ETF1: variants seen among roughly 807,000 people sequenced by gnomAD.
The protein encoded by ETF1 is eukaryotic translation termination factor 1.
In ETF1, 4 loss-of-function variants were observed where a neutral mutation model predicts 55.1. That is an observed-to-expected ratio of 0.07 (90% CI 0.04 to 0.17). The LOEUF (loss-of-function observed/expected upper bound fraction) is 0.17. Ranked by LOEUF, ETF1 falls within the 10% of genes least tolerant of loss-of-function variation. The probability of loss-of-function intolerance (pLI) is 1.00; values close to 1 mark genes in which losing one functional copy is unlikely to be tolerated. For missense variants in ETF1, 142 were observed against 523.6 expected, an observed-to-expected ratio of 0.27 and a Z score of 7.11; for synonymous variants, 157 against 182.3, an observed-to-expected ratio of 0.86 and a Z score of 1.12.
At position 138,507,302 on chromosome 5, in the gene ETF1, G is replaced by C. The variant is rs1366703600; in HGVS notation, c.*1003C>G. 2.0e-5 allele frequency: 3 copies of C among 152,418 alleles called. No individual in the cohort carries two copies. Among genetic ancestry groups the C allele is most frequent in the Non-Finnish European group, 4.4e-5 (3 of 68,030 alleles). 9.4% of individuals were successfully genotyped at this position (152,418 alleles called of 1,614,324 possible). ...GCAGTCATACATGTCTGTCGTTCCT[G>C]TGAAAAACCTTGCAGTTCATTTTAA... On this transcript the variant is annotated 3_prime_UTR_variant, in exon 11 of 11. Transcript: ENST00000360541.
chr5:138,510,715 A>G, intron 8 of ETF1, 86 bp from the exon 9 acceptor site: 1 of 1,549,376 alleles, frequency 6.5e-7, no homozygotes, highest in Non-Finnish European at 8.7e-7. Context: ...TAGATGAGAA[A>G]AGGGCTCAGG....
At chr5:138,543,048 G>A (rs1561850766) in intron 1 of ETF1, 49 bp downstream of exon 1, 1 of 906,318 alleles carries the variant, frequency 1.1e-6, no homozygotes, top group East Asian at 2.6e-5. Flanking sequence ...CCTCCCGTCC[G>A]GTGCAGCTCG....
chr5:138,508,811 T>C lies in ETF1; in HGVS notation c.1089A>G (p.Gly363=). The stretch of plus-strand genomic sequence containing the variant: ...TGCTCTCGATAAGCTCATGTTCCTG[T>C]CCGGTCTACAGGGATGACCATGAGA... ...DKSHFTDKET[G]QEHELIESMP... is the part of the protein sequence containing the mutation. Residue 363 remains glycine (G), a synonymous_variant, in exon 10 of 11, where the codon GGA becomes GGG. Transcript: ENST00000360541. 6.2e-7 allele frequency: 1 copy of C among 1,613,982 alleles called. No homozygotes were observed.
chr5:138,518,911 AAGTAAACTCATGTTTCTCTCT>A, intron 2 of ETF1, 44 bp from the exon 3 acceptor site: 1 of 1,600,174 alleles, frequency 6.2e-7, no homozygotes, highest in East Asian at 2.2e-5. Context: ...AATATCATGT[AAGTAAACTCATGTTTCTCTCT>A]GGTAAAAGCA....
At position 138,508,483 on chromosome 5, in the gene ETF1, G is replaced by C. The variant is rs1344257716; in HGVS notation, c.1232-96C>G. 4 of 1,570,636 alleles carry C rather than the reference G, an allele frequency of 2.5e-6. No individual in the cohort carries two copies. In the East Asian group the frequency reaches 9.0e-5, roughly 35 times the overall value. On this transcript the variant is annotated intron_variant, in intron 10 of 10. Coordinates refer to ENST00000360541, the MANE Select transcript of ETF1 (RefSeq NM_004730.4). ...GGAATAAGGGAAGCCCTATTCTCTT[G>C]CAGAATTGCAGAAAGCAAAGAGGTA... is the stretch of plus-strand genomic sequence containing the variant.
At chr5:138,523,012 A>G (rs1053475623) in intron 2 of ETF1, among the ~76,000 whole-genome samples, 6 of 151,794 alleles carry the variant, frequency 4.0e-5, no homozygotes, top group Middle Eastern at 3.4e-3. Flanking sequence ...TCTCAAAACA[A>G]ACAAACAAAC....
chr5:138,533,744 T>A (rs1319678924), intron 2 of ETF1, among the ~76,000 whole-genome samples: 1 of 152,148 alleles, frequency 6.6e-6, no homozygotes, highest in Non-Finnish European at 1.5e-5. Context: ...GGAACTAATG[T>A]GCCTTAAATT....
At position 138,510,418 on chromosome 5, in the gene ETF1, G is replaced by A. The variant is rs139744083; in HGVS notation, c.1083+147C>T. On this transcript the variant is annotated intron_variant, in intron 9 of 10. Transcript: ENST00000360541. Reference sequence around the variant, plus strand: ...CAGCTCCTTCCCTGAAATCAGATTCGTATGTGGCAGATAGATGACCACCTC... The same window carrying A: ...CAGCTCCTTCCCTGAAATCAGATTCATATGTGGCAGATAGATGACCACCTC... 117 of 295,374 alleles carry A rather than the reference G, an allele frequency of 4.0e-4. 1 individual carries two copies. The highest frequency in any genetic ancestry group is 2.5e-3 in the African/African-American group (106 of 41,844). The allele number at this position is 295,374 out of a possible 1,614,324, so 18.3% of individuals were successfully genotyped here.
At chr5:138,526,820 C>T (rs1312877638) in intron 2 of ETF1, among the ~76,000 whole-genome samples, 1 of 151,498 alleles carries the variant, frequency 6.6e-6, no homozygotes, top group African/African-American at 2.4e-5. Context: ...TCTGCCTCAG[C>T]CTCCTGAGGA....
Position 138,512,736 on chromosome 5 carries a change from C to T in ETF1, c.732+28G>A, listed in dbSNP as rs188173212. ...TCACCTACTCCTACCTAGGGTCTTA[C>T]ATAATAAAGCATCTACTTCTTACTT... On this transcript the variant is annotated intron_variant, in intron 6 of 10. Transcript: ENST00000360541. 2,380 of 1,556,086 alleles carry T rather than the reference C, an allele frequency of 1.5e-3. 6 individuals carry two copies. Among genetic ancestry groups the T allele is most frequent in the African/African-American group, 8.4e-3 (596 of 70,930 alleles).
chr5:138,520,400 C>T (rs1765185560), intron 2 of ETF1, among the ~76,000 whole-genome samples: 1 of 152,194 alleles, frequency 6.6e-6, no homozygotes. Context: ...TGAGCAGTTA[C>T]CAACCCATTT....
chr5:138,522,591 A>C (rs1002606765), intron 2 of ETF1, among the ~76,000 whole-genome samples: 10 of 152,082 alleles, frequency 6.6e-5, no homozygotes, highest in African/African-American at 2.2e-4. Context: ...TAAAAAAAAA[A>C]ACAAAACAAA....
intron 2 of ETF1, among the ~76,000 whole-genome samples, chr5:138,538,685 T>C (rs556134034): frequency 9.3e-5 from 14 of 151,228 alleles, no homozygotes; most frequent in African/African-American, 2.9e-4. Flanking sequence ...AAAAAAAGAA[T>C]GTGAAATTCA....
intron 1 of ETF1, 50 bp downstream of exon 1, chr5:138,543,047 C>T: frequency 1.1e-6 from 1 of 904,452 alleles, no homozygotes; most frequent in Non-Finnish European, 1.7e-6. Context: ...TCCTCCCGTC[C>T]GGTGCAGCTC....
intron 2 of ETF1, among the ~76,000 whole-genome samples, chr5:138,532,548 A>G (rs1251080977): frequency 1.3e-5 from 2 of 152,252 alleles, no homozygotes; most frequent in African/African-American, 2.4e-5. Flanking sequence ...CCAGTTGGAA[A>G]GAAGTAGCAC....
chr5:138,512,265 T>A (rs1390861140), intron 6 of ETF1, among the ~76,000 whole-genome samples: 1,864 of 19,212 alleles, frequency 0.097, 61 homozygotes, highest in East Asian at 0.17. Flanking sequence ...TATATTTTTT[T>A]TTTTTTTTAA....
At chr5:138,523,850 C>T (rs754205173) in intron 2 of ETF1, among the ~76,000 whole-genome samples, 35 of 151,966 alleles carry the variant, frequency 2.3e-4, no homozygotes, top group Non-Finnish European at 4.1e-4. Context: ...GAACTGCTTG[C>T]GCCTAGGAGT....
At chr5:138,525,864 T>C (rs1231896146) in intron 2 of ETF1, among the ~76,000 whole-genome samples, 1 of 149,778 alleles carries the variant, frequency 6.7e-6, no homozygotes, top group African/African-American at 2.5e-5. Context: ...GAGAATCGCT[T>C]GAACTTGGGA....
At chr5:138,522,627 C>T (rs1937366326) in intron 2 of ETF1, among the ~76,000 whole-genome samples, 1 of 151,806 alleles carries the variant, frequency 6.6e-6, no homozygotes, top group African/African-American at 2.4e-5. Context: ...ACCCATATGT[C>T]CAACTGATAA....
Sources: gnomAD v4.1 joint callset for allele counts (sites outside exome capture counted in the v4.1 genomes callset) on GRCh38, gnomAD v4.1.1 for gene constraint, MANE v1.5 for transcripts, NCBI Gene and HGNC (gene_info 2026-07-23, HGNC 2026-07-21) for gene names.